PARD3B: variants seen among roughly 807,000 people sequenced by gnomAD.
PARD3B encodes the protein partitioning defective 3 homolog B.
A neutral mutation model predicts 130.2 loss-of-function variants in PARD3B; 103 were observed. The ratio of observed to expected loss-of-function variants is 0.79; its 90% CI spans 0.67 to 0.93. PARD3B has a LOEUF of 0.93. PARD3B is among the 40% of genes least tolerant of loss of function. The pLI, the probability that PARD3B is intolerant of heterozygous loss-of-function variation, is 0.00. For missense variants in PARD3B, 1,609 were observed against 1,499.2 expected, an observed-to-expected ratio of 1.07 and a Z score of -1.21; for synonymous variants, 583 against 553.2, an observed-to-expected ratio of 1.05 and a Z score of -0.76.
At chr2:204,563,076 T>C (rs2031421451) in intron 1 of PARD3B, among the ~76,000 whole-genome samples, 1 of 152,202 alleles carries the variant, frequency 6.6e-6, no homozygotes, top group Admixed American at 6.5e-5. Flanking sequence ...TTTAAGGTGT[T>C]GGCAGGGCCA....
At chr2:205,499,855 T>G in intron 20 of PARD3B, 41 bp from the exon 21 acceptor site, 5 of 1,584,732 alleles carry the variant, frequency 3.2e-6, no homozygotes, top group East Asian at 2.2e-5. Context: ...TCAAAGATGA[T>G]GTACACTGTG....
At chr2:205,159,137 TCA>T (rs2034359417) in intron 11 of PARD3B, among the ~76,000 whole-genome samples, 1 of 152,210 alleles carries the variant, frequency 6.6e-6, no homozygotes, top group Admixed American at 6.5e-5. Context: ...CCAACATGAT[TCA>T]CATTCTTTTT....
chr2:205,253,382 C>T lies in PARD3B; in HGVS notation c.2185+7560C>T, dbSNP rs2039938968. 2 of 567,136 alleles carry T rather than the reference C, an allele frequency of 3.5e-6. No individual in the cohort carries two copies. Among genetic ancestry groups the T allele is most frequent in the Non-Finnish European group, 7.1e-6 (2 of 281,770 alleles). The allele number at this position is 567,136 out of a possible 1,614,324, so 35.1% of individuals were successfully genotyped here. A position where few individuals can be genotyped will look rare whatever the true frequency, so the allele number is the denominator to read the frequency against. ...TGCTGGGACTGTGGGTCAGTGCTGA[C>T]ACACCCATGGCCATACGTTTGGTCT... On this transcript the variant is annotated intron_variant, in intron 16 of 22. Coordinates refer to ENST00000406610, the MANE Select transcript of PARD3B (RefSeq NM_001302769.2). The surrounding 1 kb of genome is among the most constrained non-coding windows in gnomAD (Gnocchi z 4.4).
chr2:205,508,865 G>C (rs1269212500), intron 21 of PARD3B, among the ~76,000 whole-genome samples: 3 of 152,102 alleles, frequency 2.0e-5, no homozygotes, highest in African/African-American at 7.2e-5. Flanking sequence ...AAACATCAAT[G>C]CCACTGGAAG....
intron 20 of PARD3B, among the ~76,000 whole-genome samples, chr2:205,456,540 T>C (rs1240664909): frequency 6.6e-6 from 1 of 152,056 alleles, no homozygotes; most frequent in Admixed American, 6.6e-5. Flanking sequence ...GTAGCTGTCT[T>C]TATCAAGTTG....
At chr2:204,988,988 T>A (rs1210819551) in intron 3 of PARD3B, among the ~76,000 whole-genome samples, 4 of 152,226 alleles carry the variant, frequency 2.6e-5, no homozygotes, top group Non-Finnish European at 4.4e-5. Context: ...GTTCATGTTC[T>A]AGGCACTGGG....
intron 2 of PARD3B, among the ~76,000 whole-genome samples, chr2:204,714,421 A>G (rs1192671174): frequency 6.6e-6 from 1 of 152,108 alleles, no homozygotes. Context: ...TAAATCACAG[A>G]TTTAAGATCT....
intron 2 of PARD3B, among the ~76,000 whole-genome samples, chr2:204,910,289 G>A (rs2047185199): frequency 1.3e-5 from 2 of 152,212 alleles, no homozygotes; most frequent in South Asian, 4.2e-4. Context: ...GGGTAGCTGG[G>A]CTAAGACCTT....
intron 2 of PARD3B, among the ~76,000 whole-genome samples, chr2:204,852,864 A>G (rs1311421707): frequency 6.6e-6 from 1 of 152,196 alleles, no homozygotes; most frequent in East Asian, 1.9e-4. Context: ...TATATAATAA[A>G]GGAAAGCCCA....
At chr2:205,462,507 A>G (rs890776124) in intron 20 of PARD3B, among the ~76,000 whole-genome samples, 1 of 152,208 alleles carries the variant, frequency 6.6e-6, no homozygotes, top group African/African-American at 2.4e-5. Context: ...TGTCTGAGGA[A>G]TTCAGAGGTG....
intron 2 of PARD3B, among the ~76,000 whole-genome samples, chr2:204,958,429 A>G (rs17535981): frequency 0.089 from 13,539 of 152,258 alleles, 734 homozygotes; most frequent in Non-Finnish European, 0.12. Flanking sequence ...CAGAAGAGTG[A>G]TAGAGTACTG....
intron 2 of PARD3B, among the ~76,000 whole-genome samples, chr2:204,955,188 A>T (rs1320528760): frequency 2.6e-5 from 4 of 152,224 alleles, no homozygotes; most frequent in Admixed American, 2.6e-4. Context: ...CATCGTAGAG[A>T]ATACTGTACA....
At chr2:205,419,273 A>G (rs1461699727) in intron 19 of PARD3B, among the ~76,000 whole-genome samples, 1 of 151,972 alleles carries the variant, frequency 6.6e-6, no homozygotes, top group Non-Finnish European at 1.5e-5. Context: ...TCCCTGCACA[A>G]GTTCTCTCTC....
intron 3 of PARD3B, among the ~76,000 whole-genome samples, chr2:204,966,680 AT>A (rs1474530170): frequency 6.6e-6 from 1 of 152,166 alleles, no homozygotes; most frequent in African/African-American, 2.4e-5. Context: ...GGGAAAAAAG[AT>A]TGTTTTCTTC....
intron 4 of PARD3B, among the ~76,000 whole-genome samples, chr2:205,087,218 T>A (rs1701792447): frequency 6.6e-6 from 1 of 152,354 alleles, no homozygotes; most frequent in African/African-American, 2.4e-5. Flanking sequence ...AATAAAGTTG[T>A]GAACTCCCCA....
chr2:204,569,517 A>G (rs991862951), intron 1 of PARD3B, among the ~76,000 whole-genome samples: 15 of 152,182 alleles, frequency 9.9e-5, no homozygotes, highest in African/African-American at 3.1e-4. Flanking sequence ...ACTGTGAATC[A>G]CTGTATTAAA....
chr2:205,212,845 G>A lies in PARD3B; in HGVS notation c.2140+19525G>A, dbSNP rs1026808221. On this transcript the variant is annotated intron_variant, in intron 15 of 22. Coordinates refer to ENST00000406610, the MANE Select transcript of PARD3B (RefSeq NM_001302769.2). ...CAAGCCCTAATATTTAAGCTTCAGT[G>A]CCTATTAATCTAGAATATGAAGATT... Among the ~76,000 whole-genome samples the A allele has an allele frequency of 2.0e-5, 3 of 152,112 alleles. No homozygotes were observed. The South Asian group carries it at 6.2e-4, about 31-fold the overall frequency.
intron 18 of PARD3B, among the ~76,000 whole-genome samples, chr2:205,398,722 G>A (rs746111008): frequency 1.3e-5 from 2 of 152,188 alleles, no homozygotes; most frequent in African/African-American, 2.4e-5. Flanking sequence ...GCTCCGACTT[G>A]ACTAACATCC....
At position 205,191,179 on chromosome 2, in the gene PARD3B, G is replaced by A. The variant is rs1056404608; in HGVS notation, c.2025-2026G>A. Among the ~76,000 whole-genome samples, 11 of 151,832 alleles carry A rather than the reference G, an allele frequency of 7.2e-5. 1 individual carries two copies. Among genetic ancestry groups the A allele is most frequent in the African/African-American group, 2.2e-4 (9 of 41,392 alleles). On this transcript the variant is annotated intron_variant, in intron 14 of 22. Transcript: ENST00000406610. Reference sequence around the variant, plus strand: ...ATCTCTTCATTGGCAAATGCCTTAGGCCCTCATTCGAAGACCATACTAACC... The same window carrying A: ...ATCTCTTCATTGGCAAATGCCTTAGACCCTCATTCGAAGACCATACTAACC...
Sources: allele counts gnomAD v4.1 joint callset (sites outside exome capture counted in the v4.1 genomes callset), GRCh38; gene constraint gnomAD v4.1.1; non-coding constraint Gnocchi (gnomAD v3.1); transcripts MANE v1.5; gene names NCBI Gene and HGNC (gene_info 2026-07-23, HGNC 2026-07-21).